Variants in PRKD1 observed in about 807,000 individuals in gnomAD.
PRKD1 encodes the protein protein kinase D1, also known as serine/threonine-protein kinase D1.
PRKD1 carries 63 observed loss-of-function variants against 95.9 expected under a neutral mutation model. That is an observed-to-expected ratio of 0.66 (90% CI 0.54 to 0.81). The LOEUF (loss-of-function observed/expected upper bound fraction) is 0.81. PRKD1 is among the 30% of genes least tolerant of loss of function. The probability of loss-of-function intolerance (pLI) is 0.00; values close to 1 mark genes in which losing one functional copy is unlikely to be tolerated. For missense variants in PRKD1, 1,048 were observed against 1,165.3 expected, an observed-to-expected ratio of 0.90 and a Z score of 1.47; for synonymous variants, 425 against 423.1, an observed-to-expected ratio of 1.00 and a Z score of -0.05.
At chr14:29,828,911 T>C (rs147021954) in intron 1 of PRKD1, among the ~76,000 whole-genome samples, 24 of 152,290 alleles carry the variant, frequency 1.6e-4, no homozygotes, top group African/African-American at 4.8e-4. Context: ...AATAGTGGTA[T>C]GTAAAATTTC....
intron 16 of PRKD1, among the ~76,000 whole-genome samples, chr14:29,589,125 A>G (rs1275638702): frequency 6.6e-6 from 1 of 152,142 alleles, no homozygotes; most frequent in East Asian, 1.9e-4. Context: ...CTTCTCTGGG[A>G]ATCTTCATGG....
At chr14:29,632,071 G>A (rs1327893240) in intron 9 of PRKD1, among the ~76,000 whole-genome samples, 1 of 152,090 alleles carries the variant, frequency 6.6e-6, no homozygotes, top group African/African-American at 2.4e-5. Flanking sequence ...AAAGTGCTGG[G>A]ATTACAGGCA....
intron 2 of PRKD1, among the ~76,000 whole-genome samples, chr14:29,676,133 AAAGT>A (rs1272302879): frequency 6.7e-6 from 1 of 149,880 alleles, no homozygotes; most frequent in Admixed American, 6.7e-5. Context: ...AATTTTTAAA[AAAGT>A]AAGTCATCTA....
intron 1 of PRKD1, among the ~76,000 whole-genome samples, chr14:29,736,076 A>T (rs1285355769): frequency 6.6e-6 from 1 of 152,184 alleles, no homozygotes; most frequent in African/African-American, 2.4e-5. Flanking sequence ...TCTGTTTCAT[A>T]GACATGGCTC....
intron 1 of PRKD1, among the ~76,000 whole-genome samples, chr14:29,732,023 A>G (rs1211726371): frequency 2.0e-5 from 3 of 151,840 alleles, no homozygotes; most frequent in African/African-American, 7.3e-5. Flanking sequence ...GCAGACGTAC[A>G]CAGTACACCC....
chr14:29,632,805 A>C (rs1250323558), intron 9 of PRKD1, 64 bp downstream of exon 9: 1 of 1,413,664 alleles, frequency 7.1e-7, no homozygotes, highest in African/African-American at 1.4e-5. Flanking sequence ...TATTTCTTAT[A>C]CTCTACATTC....
At chr14:29,616,243 C>CA (rs72142312) in intron 13 of PRKD1, among the ~76,000 whole-genome samples, 846 of 33,936 alleles carry the variant, frequency 0.025, 120 homozygotes, top group African/African-American at 0.07. Flanking sequence ...AGAGTATGGC[C>CA]AAAAAAAAAA....
intron 1 of PRKD1, among the ~76,000 whole-genome samples, chr14:29,882,308 C>T (rs930076886): frequency 6.6e-6 from 1 of 152,182 alleles, no homozygotes; most frequent in South Asian, 2.1e-4. Flanking sequence ...TAGTGACTCA[C>T]CACTGAAACT....
intron 16 of PRKD1, among the ~76,000 whole-genome samples, chr14:29,589,925 A>G (rs1295922322): frequency 6.6e-6 from 1 of 152,124 alleles, no homozygotes; most frequent in Non-Finnish European, 1.5e-5. Context: ...TTATTTCCAT[A>G]CCTCTAAATA....
chr14:29,582,071 G>T, intron 16 of PRKD1, among the ~76,000 whole-genome samples: 1 of 150,598 alleles, frequency 6.6e-6, no homozygotes, highest in South Asian at 2.1e-4. Flanking sequence ...ATCAGTTCTT[G>T]GTAAGACTCA....
At chr14:29,630,546 TA>T (rs1879931592) in intron 10 of PRKD1, 195 bp downstream of exon 10, 2 of 638,808 alleles carry the variant, frequency 3.1e-6, no homozygotes. Flanking sequence ...TATAATAAAA[TA>T]GGATAATTTA....
chr14:29,622,618 G>T (rs915822184), intron 13 of PRKD1, among the ~76,000 whole-genome samples: 2 of 151,992 alleles, frequency 1.3e-5, no homozygotes, highest in African/African-American at 2.4e-5. Context: ...GGCCAGGCTG[G>T]TCTCAAACTC....
chr14:29,587,654 A>C (rs2138975266), intron 16 of PRKD1, among the ~76,000 whole-genome samples: 1 of 152,300 alleles, frequency 6.6e-6, no homozygotes, highest in East Asian at 1.9e-4. Context: ...AAAATAAATG[A>C]TTCTTTTCCT....
At chr14:29,866,411 T>A (rs1023207370) in intron 1 of PRKD1, among the ~76,000 whole-genome samples, 3 of 152,208 alleles carry the variant, frequency 2.0e-5, no homozygotes, top group African/African-American at 7.2e-5. Context: ...AAATTCTCCT[T>A]AATCTTCCAT....
chr14:29,826,095 G>C (rs919632357), intron 1 of PRKD1, among the ~76,000 whole-genome samples: 3 of 150,826 alleles, frequency 2.0e-5, no homozygotes, highest in Non-Finnish European at 3.0e-5. Context: ...AGTGGATAAA[G>C]AAACTGCGTG....
intron 1 of PRKD1, among the ~76,000 whole-genome samples, chr14:29,799,076 T>C (rs1024869008): frequency 1.3e-5 from 2 of 152,204 alleles, no homozygotes; most frequent in African/African-American, 2.4e-5. Flanking sequence ...GCAAAGAAAT[T>C]TGCACATACT....
At chr14:29,783,967 G>A (rs536407512) in intron 1 of PRKD1, among the ~76,000 whole-genome samples, 60 of 152,220 alleles carry the variant, frequency 3.9e-4, no homozygotes, top group African/African-American at 1.4e-3. Context: ...ATCCTTTGCT[G>A]TGCCTAAGCT....
chr14:29,607,755 G>A (rs1156868076), intron 13 of PRKD1, among the ~76,000 whole-genome samples: 2 of 152,150 alleles, frequency 1.3e-5, no homozygotes, highest in African/African-American at 2.4e-5. Flanking sequence ...TAATCCAAAC[G>A]ACTCTTCCTA....
At chr14:29,845,982 A>G (rs144123564) in intron 1 of PRKD1, among the ~76,000 whole-genome samples, 1 of 152,294 alleles carries the variant, frequency 6.6e-6, no homozygotes, top group African/African-American at 2.4e-5. Flanking sequence ...ACAGGCATCA[A>G]TTGTAAAGTG....
Sources: gnomAD v4.1 joint callset for allele counts (sites outside exome capture counted in the v4.1 genomes callset) on GRCh38, gnomAD v4.1.1 for gene constraint, MANE v1.5 for transcripts, NCBI Gene and HGNC (gene_info 2026-07-23, HGNC 2026-07-21) for gene names.